HS3ST5: variants seen among roughly 807,000 people sequenced by gnomAD.
HS3ST5 encodes heparan sulfate-glucosamine 3-sulfotransferase 5.
In HS3ST5, 10 loss-of-function variants were observed where a neutral mutation model predicts 25.4. The observed-to-expected ratio is 0.39, with a 90% CI of 0.24 to 0.67. The LOEUF is 0.67. Ranked by LOEUF, HS3ST5 falls within the 30% of genes least tolerant of loss-of-function variation. The pLI, the probability that HS3ST5 is intolerant of heterozygous loss-of-function variation, is 0.44. For synonymous variants in HS3ST5, 170 were observed against 162.4 expected (o/e 1.05, Z -0.36); for missense variants, 324 against 420.7 (o/e 0.77, Z 2.01).
intron 1 of HS3ST5, among the ~76,000 whole-genome samples, chr6:114,270,669 G>A (rs1163324051): frequency 2.0e-5 from 3 of 152,102 alleles, no homozygotes; most frequent in Admixed American, 2.0e-4. Context: ...GCCTCTCTAG[G>A]ACTTACTTTT....
intron 3 of HS3ST5, among the ~76,000 whole-genome samples, chr6:114,147,132 T>C (rs1401897670): frequency 6.6e-6 from 1 of 152,212 alleles, no homozygotes; most frequent in African/African-American, 2.4e-5. Flanking sequence ...CTTAACTGTT[T>C]ACACATTACC....
Position 114,084,639 on chromosome 6 carries a change from A to T in HS3ST5, c.-32-21762T>A, listed in dbSNP as rs11153463. The T allele has an allele frequency of 4.6e-6, 4 of 872,424 alleles. No individual in the cohort carries two copies. The East Asian group carries it at 9.6e-5, about 21-fold the overall frequency. The allele number at this position is 872,424 out of a possible 1,614,324, so 54.0% of individuals were successfully genotyped here. ...GCAATGCTAGGTAGGTTAACATAAG[A>T]TGCCTTAATGAGAGGCTGATGGTCA... On this transcript the variant is annotated intron_variant, in intron 3 of 4. Transcript: ENST00000312719.
chr6:114,103,743 G>C (rs2114828015), intron 3 of HS3ST5, among the ~76,000 whole-genome samples: 1 of 142,986 alleles, frequency 7.0e-6, no homozygotes, highest in South Asian at 2.2e-4. Context: ...CTGTCTCCCA[G>C]GCTGGAGTGC....
At chr6:114,068,042 T>C (rs1375810273) in intron 3 of HS3ST5, among the ~76,000 whole-genome samples, 12 of 152,076 alleles carry the variant, frequency 7.9e-5, no homozygotes, top group African/African-American at 2.4e-5. Flanking sequence ...ATTAATAGCT[T>C]CGGGAGGTAG....
At chr6:114,248,208 GAA>G (rs386408321) in intron 1 of HS3ST5, among the ~76,000 whole-genome samples, 96 of 135,980 alleles carry the variant, frequency 7.1e-4, no homozygotes, top group African/African-American at 2.5e-3. Flanking sequence ...CTCAAAAAAT[GAA>G]AAAAAAAATA....
intron 1 of HS3ST5, among the ~76,000 whole-genome samples, chr6:114,298,617 C>G (rs887312205): frequency 6.6e-6 from 1 of 152,200 alleles, no homozygotes; most frequent in Non-Finnish European, 1.5e-5. Context: ...AGTATACACT[C>G]TTGTCCTATG....
chr6:114,129,469 A>T (rs1777222382), intron 3 of HS3ST5, among the ~76,000 whole-genome samples: 3 of 151,970 alleles, frequency 2.0e-5, no homozygotes, highest in African/African-American at 7.3e-5. Context: ...GTTAGCCAGG[A>T]TGGTCTCGAT....
chr6:114,221,354 C>T (rs984650518), intron 2 of HS3ST5, among the ~76,000 whole-genome samples: 5 of 151,902 alleles, frequency 3.3e-5, no homozygotes, highest in Admixed American at 2.0e-4. Context: ...AATATGTATT[C>T]GAATTTAAAG....
intron 3 of HS3ST5, among the ~76,000 whole-genome samples, chr6:114,103,700 CTTCT>C (rs1466211180): frequency 7.1e-6 from 1 of 141,766 alleles, no homozygotes; most frequent in Non-Finnish European, 1.5e-5. Context: ...TCTTTTTCTT[CTTCT>C]TTTTTTTTTT....
At chr6:114,273,054 G>C (rs1773700338) in intron 1 of HS3ST5, among the ~76,000 whole-genome samples, 1 of 152,070 alleles carries the variant, frequency 6.6e-6, no homozygotes, top group African/African-American at 2.4e-5. Flanking sequence ...AATTTTAAAA[G>C]GATCATGCTG....
chr6:114,084,407 C>T, intron 3 of HS3ST5: 1 of 755,676 alleles, frequency 1.3e-6, no homozygotes, highest in South Asian at 1.3e-5. Flanking sequence ...TTTTCAGCAG[C>T]AGCCTGCTCT....
intron 1 of HS3ST5, among the ~76,000 whole-genome samples, chr6:114,272,435 CAT>C (rs778521018): frequency 2.6e-5 from 4 of 152,112 alleles, no homozygotes; most frequent in South Asian, 2.1e-4. Flanking sequence ...TCTTGACACA[CAT>C]GTTTTTAAGC....
chr6:114,101,750 G>A (rs945503629), intron 3 of HS3ST5, among the ~76,000 whole-genome samples: 4 of 152,170 alleles, frequency 2.6e-5, no homozygotes, highest in African/African-American at 7.2e-5. Flanking sequence ...ACATGCACAC[G>A]TGTGTTCATC....
intron 3 of HS3ST5, among the ~76,000 whole-genome samples, chr6:114,129,401 G>A (rs958643176): frequency 6.6e-6 from 1 of 151,898 alleles, no homozygotes; most frequent in Non-Finnish European, 1.5e-5. Flanking sequence ...GACTACAGGT[G>A]CCCACCACCA....
chr6:114,242,884 G>C (rs887706043), intron 1 of HS3ST5, among the ~76,000 whole-genome samples: 3 of 151,590 alleles, frequency 2.0e-5, no homozygotes, highest in Non-Finnish European at 3.0e-5. Context: ...AAAGAAGAAG[G>C]TGGGATGTCT....
rs1408199464 is a variant in HS3ST5 at position 114,057,452 on chromosome 6, G to T, written c.846C>A (p.Tyr282Ter). Reference sequence around the variant, plus strand: ...CTCTGGTAGCATTGAAGTATAAATTGTATTGACTTATCCTTGGAGGCAGAT... The same window carrying T: ...CTCTGGTAGCATTGAAGTATAAATTTTATTGACTTATCCTTGGAGGCAGAT... Reference protein sequence around the residue: ...FLNLPPRISQYNLYFNATRGF... With the variant: ...FLNLPPRISQ The change falls in exon 5 of 5, where the codon TAC (tyrosine) becomes TAA (stop). Residue 282 changes from tyrosine (Y) to a stop codon, truncating the protein, a stop_gained. Transcript: ENST00000312719. LOFTEE classifies it high-confidence loss of function. 6.2e-7 allele frequency: 1 copy of T among 1,614,156 alleles called. No individual in the cohort carries two copies.
intron 1 of HS3ST5, among the ~76,000 whole-genome samples, chr6:114,289,205 C>T (rs1023592351): frequency 2.6e-5 from 4 of 151,808 alleles, no homozygotes; most frequent in Non-Finnish European, 5.9e-5. Context: ...TAGTTTTACA[C>T]CAAAAATACA....
chr6:114,257,235 G>A (rs1056875547), intron 1 of HS3ST5, among the ~76,000 whole-genome samples: 4 of 152,176 alleles, frequency 2.6e-5, no homozygotes, highest in African/African-American at 7.2e-5. Context: ...AGTAGGCTAA[G>A]GAAAGAGGGG....
intron 4 of HS3ST5, 118 bp from the exon 5 acceptor site, chr6:114,058,308 C>A (rs1184994158): frequency 8.3e-6 from 6 of 720,520 alleles, no homozygotes; most frequent in Non-Finnish European, 1.3e-5. Flanking sequence ...CAGCCTGCTG[C>A]AATCCATAAT....
Sources: allele counts gnomAD v4.1 joint callset (sites outside exome capture counted in the v4.1 genomes callset), GRCh38; gene constraint gnomAD v4.1.1; transcripts MANE v1.5; gene names NCBI Gene and HGNC (gene_info 2026-07-23, HGNC 2026-07-21).